The following C4orf50 variants were observed in gnomAD, a reference collection of about 807,000 sequenced individuals.
The protein encoded by C4orf50 is chromosome 4 open reading frame 50.
A neutral mutation model predicts 77.2 loss-of-function variants in C4orf50; 80 were observed. The ratio of observed to expected loss-of-function variants is 1.04; its 90% CI spans 0.87 to 1.25. The LOEUF (loss-of-function observed/expected upper bound fraction) is 1.25, where lower values mean the gene tolerates loss of function less well. C4orf50 is among the 50% of genes most tolerant of loss of function. The pLI is 0.00. For synonymous variants in C4orf50, 532 were observed against 465.3 expected, an observed-to-expected ratio of 1.14 and a Z score of -1.84; for missense variants, 1,257 against 1,152.9, an observed-to-expected ratio of 1.09 and a Z score of -1.31.
intron 23 of C4orf50, among the ~76,000 whole-genome samples, chr4:6,013,969 T>C (rs1220664117): frequency 2.6e-5 from 4 of 151,838 alleles, no homozygotes; most frequent in Non-Finnish European, 5.9e-5. Flanking sequence ...CAGTGACAAG[T>C]GTGGATGATA....
chr4:5,957,992 T>G (rs542541737), exon 34 of C4orf50: 1 of 152,376 alleles, frequency 6.6e-6, no homozygotes, highest in African/African-American at 2.4e-5. Flanking sequence ...CTATACACTT[T>G]GACACTTCCT....
At chr4:5,950,001 A>AT (rs1176781294) in intron 7 of C4orf50, among the ~76,000 whole-genome samples, 1 of 151,982 alleles carries the variant, frequency 6.6e-6, no homozygotes, top group Non-Finnish European at 1.5e-5. Context: ...AAAAAAAAAA[A>AT]AAAAAGGTTA....
In C4orf50 at chr4:5,908,740, G is replaced by GC. The variant is rs1716663161; in HGVS notation, c.*2475-10553dup. ...GACTGCCCTTGACACCATTCACCTAGCTCCCAAGGTCATGCAGCCTTCAGT... is the reference window on the plus strand; with the variant it reads ...GACTGCCCTTGACACCATTCACCTAGCCTCCCAAGGTCATGCAGCCTTCAGT... On this transcript the variant is annotated intron_variant, in intron 7 of 7. Transcript: ENST00000324058. The surrounding 1 kb of genome is among the most constrained non-coding windows in gnomAD (Gnocchi z 5.6). 2.0e-5 allele frequency among the ~76,000 whole-genome samples: 3 copies of GC among 152,260 alleles called. No homozygotes were observed. The highest frequency in any genetic ancestry group is 4.2e-4 in the South Asian group (2 of 4,808).
At chr4:5,990,130 G>C (rs1454186793) in exon 28 of C4orf50, 1 of 1,268,878 alleles carries the variant, frequency 7.9e-7, no homozygotes, top group African/African-American at 1.5e-5. Context: ...CAGGGATTCG[G>C]GACCCTCCTT....
intron 28 of C4orf50, among the ~76,000 whole-genome samples, chr4:5,981,374 G>C (rs1371343088): frequency 6.6e-6 from 1 of 151,364 alleles, no homozygotes; most frequent in African/African-American, 2.4e-5. Flanking sequence ...ATCATCAGGG[G>C]GTATTTCCAG....
Position 5,932,492 on chromosome 4 carries a change from G to T in C4orf50, c.*2474+24409C>A, listed in dbSNP as rs144070850. 2.6e-5 allele frequency among the ~76,000 whole-genome samples: 4 copies of T among 152,178 alleles called. No homozygotes were observed. The East Asian group carries it at 5.8e-4, about 22-fold the overall frequency. On this transcript the variant is annotated intron_variant, in intron 7 of 7. Coordinates refer to the C4orf50 transcript ENST00000324058. The surrounding 1 kb of genome is among the most constrained non-coding windows in gnomAD (Gnocchi z 4.2). ...TGTTTTGGAGCCTGGCTGGAGTGCC[G>T]TGGCTCCATCACAGTTCACTGCAGC...
At chr4:5,935,553 C>A (rs1409090378) in intron 7 of C4orf50, among the ~76,000 whole-genome samples, 1 of 151,934 alleles carries the variant, frequency 6.6e-6, no homozygotes, top group Non-Finnish European at 1.5e-5. Flanking sequence ...TTTGGGAGGT[C>A]AAGGCAGGCG....
At chr4:6,003,883 GATT>G (rs1721995531) in intron 25 of C4orf50, among the ~76,000 whole-genome samples, 1 of 117,856 alleles carries the variant, frequency 8.5e-6, no homozygotes, top group African/African-American at 3.1e-5. Flanking sequence ...TGGTGATGGT[GATT>G]ATGGTGATGA....
chr4:5,909,906 G>A lies in C4orf50; in HGVS notation c.*2475-11718C>T, dbSNP rs115330884. 8.7e-3 allele frequency among the ~76,000 whole-genome samples: 1,324 copies of A among 152,210 alleles called. 16 individuals are homozygous for A. Among genetic ancestry groups the A allele is most frequent in the African/African-American group, 0.03 (1,253 of 41,530 alleles). ...CAGTACATACTGTTTTGGTTACCAC[G>A]GTTTTGTAGTATATTTTGAAGTCAG... On this transcript the variant is annotated intron_variant, in intron 7 of 7. Transcript: ENST00000324058.
At chr4:6,003,475 G>T (rs1577989661) in intron 25 of C4orf50, among the ~76,000 whole-genome samples, 2 of 150,924 alleles carry the variant, frequency 1.3e-5, no homozygotes, top group African/African-American at 4.9e-5. Context: ...TGATGGTGAT[G>T]GTGGTCATGG....
intron 7 of C4orf50, among the ~76,000 whole-genome samples, chr4:5,950,460 G>A (rs1230467450): frequency 6.6e-6 from 1 of 152,152 alleles, no homozygotes; most frequent in Non-Finnish European, 1.5e-5. Flanking sequence ...GACTACGTGA[G>A]GTTCCTTTTA....
intron 28 of C4orf50, among the ~76,000 whole-genome samples, chr4:5,985,216 A>G (rs13148240): frequency 0.097 from 14,821 of 152,204 alleles, 1,207 homozygotes; most frequent in African/African-American, 0.23. Context: ...CCAGAAAATT[A>G]TCACTACAAA....
intron 33 of C4orf50, among the ~76,000 whole-genome samples, chr4:5,964,323 C>A (rs1719431957): frequency 7.3e-6 from 1 of 136,864 alleles, no homozygotes; most frequent in Non-Finnish European, 1.6e-5. Flanking sequence ...AGCAGACCTC[C>A]TGAGCACTGG....
intron 7 of C4orf50, among the ~76,000 whole-genome samples, chr4:5,950,706 C>A (rs1357685888): frequency 6.5e-5 from 1 of 15,350 alleles, no homozygotes; most frequent in Non-Finnish European, 1.4e-4. Context: ...CTGTCTCCAC[C>A]CCCGTTTTTC....
At chr4:5,917,903 C>T (rs1042820774) in intron 7 of C4orf50, among the ~76,000 whole-genome samples, 4 of 151,980 alleles carry the variant, frequency 2.6e-5, no homozygotes, top group Non-Finnish European at 2.9e-5. Flanking sequence ...GGGGCCCAGG[C>T]GAGAGGTGGC....
At chr4:5,928,863 C>A (rs1299260870) in intron 7 of C4orf50, among the ~76,000 whole-genome samples, 6 of 152,198 alleles carry the variant, frequency 3.9e-5, no homozygotes, top group African/African-American at 1.4e-4. Context: ...AATAAGTCAA[C>A]CTTCCCAGTG....
At chr4:5,973,635 A>G in intron 31 of C4orf50, 24 bp downstream of exon 9, 2 of 1,590,794 alleles carry the variant, frequency 1.3e-6, no homozygotes, top group Non-Finnish European at 1.7e-6. Flanking sequence ...GGAAGCACAG[A>G]CAGGGCCATC....
Position 6,017,623 on chromosome 4 carries a change from TC to T in C4orf50, c.287+521del, listed in dbSNP as rs1250187824. On this transcript the variant is annotated intron_variant, in intron 23 of 33. Coordinates refer to ENST00000531445, the Ensembl canonical transcript of C4orf50. This position sits in a 1 kb window ranked among gnomAD's most constrained non-coding sequence, Gnocchi z 4.7. ...AGCCTTCCAGAGCACACATGCTTTT[TC>T]CCCAGGATATAAGCCCTGGGTTGGG... 6.6e-6 allele frequency among the ~76,000 whole-genome samples: 1 copy of T among 152,174 alleles called. No homozygotes were observed.
At chr4:5,930,279 C>T (rs1717709663) in intron 7 of C4orf50, among the ~76,000 whole-genome samples, 1 of 152,130 alleles carries the variant, frequency 6.6e-6, no homozygotes, top group South Asian at 2.1e-4. Context: ...AAAATAGCAA[C>T]CAATTATAAG....
Sources: gnomAD v4.1 joint callset for allele counts (sites outside exome capture counted in the v4.1 genomes callset) on GRCh38, gnomAD v4.1.1 for gene constraint, Gnocchi (gnomAD v3.1) non-coding constraint, MANE v1.5 for transcripts, NCBI Gene and HGNC (gene_info 2026-07-23, HGNC 2026-07-21) for gene names.